TAFA1: variants seen among roughly 807,000 people sequenced by gnomAD.
TAFA1 encodes the protein chemokine-like protein TAFA-1.
Under a neutral mutation model 18.5 loss-of-function variants are expected in TAFA1, and 4 were observed. That is an observed-to-expected ratio of 0.22 (90% confidence interval 0.11 to 0.49). TAFA1 has a LOEUF of 0.49. TAFA1 is among the 20% of genes least tolerant of loss of function. The pLI, the probability that TAFA1 is intolerant of heterozygous loss-of-function variation, is 0.98. For missense variants in TAFA1, 147 were observed against 169.0 expected (o/e 0.87, Z 0.72); for synonymous variants, 56 against 55.2 (o/e 1.01, Z -0.06).
At chr3:68,214,527 G>A (rs1342393161) in intron 2 of TAFA1, among the ~76,000 whole-genome samples, 1 of 152,000 alleles carries the variant, frequency 6.6e-6, no homozygotes, top group African/African-American at 2.4e-5. Context: ...GAGAGCTCAG[G>A]TTCCTGGTTC....
At chr3:68,238,272 G>A (rs892410945) in intron 2 of TAFA1, among the ~76,000 whole-genome samples, 10 of 152,172 alleles carry the variant, frequency 6.6e-5, no homozygotes, top group Non-Finnish European at 1.0e-4. Context: ...TGAGGTAGGG[G>A]ACCCCAGGAA....
At chr3:68,523,951 G>A (rs573541928) in intron 3 of TAFA1, among the ~76,000 whole-genome samples, 3 of 152,216 alleles carry the variant, frequency 2.0e-5, no homozygotes, top group South Asian at 2.1e-4. Context: ...CTTGCTTGAT[G>A]CTTTTCTTTA....
In TAFA1 at chr3:68,521,799, T is replaced by C. The variant is rs946526487; in HGVS notation, c.260-16957T>C. Among the ~76,000 whole-genome samples, 3 of 151,706 alleles carry C rather than the reference T, an allele frequency of 2.0e-5. No homozygotes were observed. In the East Asian group the frequency reaches 5.8e-4, roughly 29 times the overall value. ...CAGTTTGGGAAAAGTGAAATTTGTT[T>C]GCTTATGTTGTGACAGAAACATAGA... On this transcript the variant is annotated intron_variant, in intron 3 of 4. Transcript: ENST00000478136.
At chr3:68,516,034 A>T (rs2072915312) in intron 3 of TAFA1, among the ~76,000 whole-genome samples, 1 of 152,236 alleles carries the variant, frequency 6.6e-6, no homozygotes, top group Non-Finnish European at 1.5e-5. Context: ...GTAAAAGCAG[A>T]TATATTGGTC....
chr3:68,162,215 T>G (rs747772250), intron 2 of TAFA1, among the ~76,000 whole-genome samples: 2 of 152,146 alleles, frequency 1.3e-5, no homozygotes, highest in Non-Finnish European at 2.9e-5. Flanking sequence ...TTCTCAGTGG[T>G]CTAGACCAGT....
intron 2 of TAFA1, among the ~76,000 whole-genome samples, chr3:68,219,567 G>C (rs895063017): frequency 1.3e-5 from 2 of 152,030 alleles, no homozygotes; most frequent in African/African-American, 4.8e-5. Flanking sequence ...TCAGCTTCTA[G>C]AGGCAGCACT....
At chr3:68,191,656 A>G (rs2066341566) in intron 2 of TAFA1, among the ~76,000 whole-genome samples, 1 of 151,820 alleles carries the variant, frequency 6.6e-6, no homozygotes, top group South Asian at 2.1e-4. Context: ...TTATCACAGC[A>G]AAGAGAGTAG....
chr3:67,994,080 A>G, the TAFA1 span, among the ~76,000 whole-genome samples: 1 of 152,196 alleles, frequency 6.6e-6, no homozygotes, highest in South Asian at 2.1e-4. Context: ...TCTACATTTA[A>G]CAATCAAATT....
At chr3:68,357,573 C>T (rs1048321453) in intron 2 of TAFA1, among the ~76,000 whole-genome samples, 4 of 151,868 alleles carry the variant, frequency 2.6e-5, no homozygotes, top group African/African-American at 7.2e-5. Flanking sequence ...CCACACTAGT[C>T]GGTGTAGTGT....
chr3:68,065,763 T>C (rs931357639), intron 2 of TAFA1, among the ~76,000 whole-genome samples: 6 of 138,144 alleles, frequency 4.3e-5, no homozygotes, highest in African/African-American at 8.5e-5. Context: ...TATATATATA[T>C]ATACACACAC....
chr3:68,101,507 A>T (rs2065147552), intron 2 of TAFA1, among the ~76,000 whole-genome samples: 1 of 152,156 alleles, frequency 6.6e-6, no homozygotes, highest in African/African-American at 2.4e-5. Context: ...GCAGCCATAA[A>T]AAATGATGAG....
At chr3:68,473,640 A>C (rs6778185) in intron 3 of TAFA1, among the ~76,000 whole-genome samples, 37,051 of 152,022 alleles carry the variant, frequency 0.24, 4,924 homozygotes, top group East Asian at 0.48. Flanking sequence ...TACCTGAGAT[A>C]CCAAGCCTCA....
chr3:68,291,419 C>A (rs765108241), intron 2 of TAFA1, among the ~76,000 whole-genome samples: 4 of 152,000 alleles, frequency 2.6e-5, no homozygotes, highest in Admixed American at 6.6e-5. Flanking sequence ...CTCAGTTAAT[C>A]CCCAAAACAA....
At chr3:68,251,117 A>C (rs1028914501) in intron 2 of TAFA1, among the ~76,000 whole-genome samples, 17 of 152,156 alleles carry the variant, frequency 1.1e-4, no homozygotes, top group African/African-American at 4.1e-4. Flanking sequence ...ATTATACACC[A>C]TTGTGGCTAT....
chr3:68,062,010 C>CA (rs77523389), intron 2 of TAFA1, among the ~76,000 whole-genome samples: 47,580 of 151,912 alleles, frequency 0.31, 9,198 homozygotes, highest in Admixed American at 0.45. Context: ...TCAATGCTTC[C>CA]AAAAAACATA....
chr3:68,285,322 G>A (rs1286387016), intron 2 of TAFA1, among the ~76,000 whole-genome samples: 1 of 152,112 alleles, frequency 6.6e-6, no homozygotes, highest in Non-Finnish European at 1.5e-5. Flanking sequence ...TGAAAGTGTT[G>A]TAAGTGTTGT....
At chr3:68,028,331 A>G (rs943259839) in intron 2 of TAFA1, among the ~76,000 whole-genome samples, 2 of 152,020 alleles carry the variant, frequency 1.3e-5, no homozygotes, top group African/African-American at 2.4e-5. Flanking sequence ...AAAACAAAAA[A>G]GTATATATAT....
At chr3:68,236,152 C>A (rs1333433199) in intron 2 of TAFA1, among the ~76,000 whole-genome samples, 1 of 152,044 alleles carries the variant, frequency 6.6e-6, no homozygotes, top group Non-Finnish European at 1.5e-5. Flanking sequence ...GGCAGAACAC[C>A]AAAAGCCTCA....
At chr3:68,491,622 A>T (rs1249221771) in intron 3 of TAFA1, among the ~76,000 whole-genome samples, 1 of 152,036 alleles carries the variant, frequency 6.6e-6, no homozygotes, top group African/African-American at 2.4e-5. Flanking sequence ...GCACACCAAC[A>T]TGGCACATGT....
Sources: allele counts gnomAD v4.1 joint callset (sites outside exome capture counted in the v4.1 genomes callset), GRCh38; gene constraint gnomAD v4.1.1; transcripts MANE v1.5; gene names NCBI Gene and HGNC (gene_info 2026-07-23, HGNC 2026-07-21).